RBFOX1: variants seen among roughly 807,000 people sequenced by gnomAD.
The protein encoded by RBFOX1 is RNA binding protein fox-1 homolog 1.
Under a neutral mutation model 57.7 loss-of-function variants are expected in RBFOX1, and 8 were observed. The observed-to-expected ratio is 0.14, with a 90% CI of 0.08 to 0.25. RBFOX1 has a LOEUF of 0.25. RBFOX1 is among the 10% of genes least tolerant of loss of function. The probability of loss-of-function intolerance (pLI) is 1.00; values close to 1 mark genes in which losing one functional copy is unlikely to be tolerated. For missense variants in RBFOX1, 611 were observed against 548.5 expected (o/e 1.11, Z -1.14); for synonymous variants, 326 against 222.4 (o/e 1.47, Z -4.15).
intron 1 of RBFOX1, among the ~76,000 whole-genome samples, chr16:5,446,887 C>G (rs143351730): frequency 6.6e-6 from 1 of 152,006 alleles, no homozygotes; most frequent in South Asian, 2.1e-4. Context: ...CCCAGCTTCC[C>G]TAGGAAGTGG....
intron 1 of RBFOX1, among the ~76,000 whole-genome samples, chr16:5,240,781 G>A (rs1398641582): frequency 6.6e-6 from 1 of 152,176 alleles, no homozygotes; most frequent in African/African-American, 2.4e-5. Context: ...TGAGTGACCG[G>A]GCCCGTGTGC....
chr16:6,065,078 A>G (rs1362118183), intron 1 of RBFOX1, among the ~76,000 whole-genome samples: 1 of 149,952 alleles, frequency 6.7e-6, no homozygotes, highest in African/African-American at 2.5e-5. Context: ...CCCAGGCTAG[A>G]GTATAATGGT....
intron 3 of RBFOX1, among the ~76,000 whole-genome samples, chr16:6,702,269 A>G (rs1474461699): frequency 6.6e-6 from 1 of 152,124 alleles, no homozygotes; most frequent in Admixed American, 6.6e-5. Flanking sequence ...TATCCAAATT[A>G]TCGGCCAGCC....
chr16:5,649,626 C>T lies in RBFOX1; in HGVS notation c.318+50665C>T, dbSNP rs2049166842. 5.9e-5 allele frequency among the ~76,000 whole-genome samples: 9 copies of T among 152,306 alleles called. No homozygotes were observed. The South Asian group carries it at 1.9e-3, about 32-fold the overall frequency. On this transcript the variant is annotated intron_variant, in intron 3 of 19. Coordinates refer to the RBFOX1 transcript ENST00000641259. ...TCCCTTTCTTCCCTGAGAGATGCAG[C>T]CTCTGTCATGAATTTATTTTTATCT...
chr16:5,462,320 C>T (rs1473616634), intron 1 of RBFOX1, among the ~76,000 whole-genome samples: 3 of 151,972 alleles, frequency 2.0e-5, no homozygotes, highest in African/African-American at 7.2e-5. Flanking sequence ...AGGGGCCCGC[C>T]ACCACGCCCG....
At chr16:5,523,593 G>T (rs1372946136) in intron 2 of RBFOX1, among the ~76,000 whole-genome samples, 1 of 151,928 alleles carries the variant, frequency 6.6e-6, no homozygotes, top group Non-Finnish European at 1.5e-5. Flanking sequence ...CTGCAGCCTG[G>T]ATGACAAAGT....
At chr16:6,397,246 T>C (rs1284709823) in intron 2 of RBFOX1, among the ~76,000 whole-genome samples, 1 of 152,164 alleles carries the variant, frequency 6.6e-6, no homozygotes, top group African/African-American at 2.4e-5. Context: ...TTCCACGTCA[T>C]AGTCACAGTG....
At chr16:5,563,072 C>G (rs572254775) in intron 2 of RBFOX1, among the ~76,000 whole-genome samples, 1 of 152,172 alleles carries the variant, frequency 6.6e-6, no homozygotes, top group Admixed American at 6.5e-5. Context: ...GCTTCAGCCT[C>G]CTGAGTAGCT....
At chr16:7,384,486 C>T (rs112994436) in intron 4 of RBFOX1, among the ~76,000 whole-genome samples, 130 of 152,062 alleles carry the variant, frequency 8.5e-4, no homozygotes, top group Non-Finnish European at 1.8e-4. Flanking sequence ...GTTTTCATGC[C>T]AAACATAGCT....
chr16:6,496,735 G>A (rs533306336), intron 2 of RBFOX1, among the ~76,000 whole-genome samples: 2 of 152,114 alleles, frequency 1.3e-5, no homozygotes, highest in Non-Finnish European at 2.9e-5. Flanking sequence ...CAGGGTGGGT[G>A]GATCGCTTGA....
intron 2 of RBFOX1, among the ~76,000 whole-genome samples, chr16:5,594,562 G>A (rs1490972589): frequency 6.6e-6 from 1 of 152,190 alleles, no homozygotes; most frequent in Non-Finnish European, 1.5e-5. Context: ...TGAAGCAAAG[G>A]CAGGAAGACA....
At chr16:6,499,689 G>A (rs936991107) in intron 2 of RBFOX1, among the ~76,000 whole-genome samples, 14 of 151,978 alleles carry the variant, frequency 9.2e-5, no homozygotes, top group Non-Finnish European at 1.8e-4. Flanking sequence ...TGACCCCAGA[G>A]TCCTATGTTG....
At chr16:5,395,944 T>G (rs1441324535) in intron 1 of RBFOX1, among the ~76,000 whole-genome samples, 1 of 152,126 alleles carries the variant, frequency 6.6e-6, no homozygotes, top group Non-Finnish European at 1.5e-5. Context: ...CCTCGGGAGC[T>G]TGGAAGCAGA....
chr16:6,745,691 G>T (rs188635752), intron 3 of RBFOX1, among the ~76,000 whole-genome samples: 1 of 152,308 alleles, frequency 6.6e-6, no homozygotes, highest in Non-Finnish European at 1.5e-5. Context: ...CTAATATCAT[G>T]CTTAATGAGG....
chr16:7,571,252 C>G (rs2092741798), intron 5 of RBFOX1, among the ~76,000 whole-genome samples: 2 of 152,142 alleles, frequency 1.3e-5, no homozygotes, highest in African/African-American at 2.4e-5. Flanking sequence ...ACCCACTTAC[C>G]TGGTCATCAC....
intron 6 of RBFOX1, among the ~76,000 whole-genome samples, chr16:7,580,944 A>T (rs758495235): frequency 5.9e-5 from 9 of 152,166 alleles, no homozygotes; most frequent in Non-Finnish European, 1.3e-4. Flanking sequence ...AATGGATGCA[A>T]ATATCACAAA....
At chr16:5,332,336 C>T (rs555237773) in intron 1 of RBFOX1, among the ~76,000 whole-genome samples, 9 of 152,124 alleles carry the variant, frequency 5.9e-5, no homozygotes, top group East Asian at 1.9e-4. Flanking sequence ...GGTGTGATCT[C>T]GACTCATTGC....
At chr16:5,718,768 G>A (rs1029469618) in intron 3 of RBFOX1, among the ~76,000 whole-genome samples, 3 of 152,144 alleles carry the variant, frequency 2.0e-5, no homozygotes, top group African/African-American at 7.2e-5. Flanking sequence ...ATTAGCCGGG[G>A]CATAGTCGTG....
intron 4 of RBFOX1, among the ~76,000 whole-genome samples, chr16:5,880,667 G>A (rs1041492827): frequency 1.3e-5 from 2 of 152,180 alleles, no homozygotes; most frequent in Admixed American, 1.3e-4. Context: ...GTATGGGATT[G>A]TGGATCCTGC....
Sources: gnomAD v4.1 joint callset for allele counts (sites outside exome capture counted in the v4.1 genomes callset) on GRCh38, gnomAD v4.1.1 for gene constraint, MANE v1.5 for transcripts, NCBI Gene and HGNC (gene_info 2026-07-23, HGNC 2026-07-21) for gene names.